Variants in ABCA3 observed in about 807,000 individuals in gnomAD.
ABCA3 encodes the protein ATP binding cassette subfamily A member 3.
A neutral mutation model predicts 172.8 loss-of-function variants in ABCA3; 88 were observed. The observed-to-expected ratio is 0.51, with a 90% CI of 0.43 to 0.61. The LOEUF (loss-of-function observed/expected upper bound fraction) is 0.61, where lower values mean the gene tolerates loss of function less well. Ranked by LOEUF, ABCA3 falls within the 20% of genes least tolerant of loss-of-function variation. ABCA3 has a pLI of 0.00. For synonymous variants in ABCA3, 1,066 were observed against 983.8 expected, an observed-to-expected ratio of 1.08 and a Z score of -1.56; for missense variants, 2,164 against 2,301.0, an observed-to-expected ratio of 0.94 and a Z score of 1.22.
chr16:2,280,929 C>G (rs1421090616), intron 28 of ABCA3, 98 bp downstream of exon 28: 6 of 1,493,374 alleles, frequency 4.0e-6, no homozygotes, highest in Non-Finnish European at 5.6e-6. Flanking sequence ...ACAGATGCAG[C>G]AGCTGTTTGG....
chr16:2,279,220 A>C lies in ABCA3; in HGVS notation c.4360-90T>G. On this transcript the variant is annotated intron_variant, in intron 28 of 32. Transcript: ENST00000301732. The surrounding 1 kb of genome is among the most constrained non-coding windows in gnomAD (Gnocchi z 4.4). ...CACGGGGACTACCCTTGAGGTGCCC[A>C]CCACTGCGCCTGTCTGTGGTTCCTG... 6.9e-7 allele frequency: 1 copy of C among 1,454,352 alleles called. No individual in the cohort carries two copies. 90.1% of individuals were successfully genotyped at this position (1,454,352 alleles called of 1,614,324 possible). A position where few individuals can be genotyped will look rare whatever the true frequency, so the allele number is the denominator to read the frequency against.
At chr16:2,324,901 G>C (rs1347356141) in intron 5 of ABCA3, among the ~76,000 whole-genome samples, 5 of 152,164 alleles carry the variant, frequency 3.3e-5, no homozygotes, top group African/African-American at 1.2e-4. Flanking sequence ...TTTACAAATG[G>C]AGTGGATGCT....
At position 2,297,466 on chromosome 16, in the gene ABCA3, C is replaced by A; in HGVS notation, c.2126G>T (p.Arg709Leu). The A allele has an allele frequency of 1.2e-6, 2 of 1,613,786 alleles. No homozygotes were observed. Among genetic ancestry groups the A allele is most frequent in the Non-Finnish European group, 1.7e-6 (2 of 1,180,030 alleles). The change falls in exon 17 of 33, where the codon CGG becomes CTG. Residue 709 changes from arginine (R) to leucine (L), a missense_variant. Transcript: ENST00000301732. The surrounding 1 kb of genome is among the most constrained non-coding windows in gnomAD (Gnocchi z 5.6). ...CACGATGGTGCGGTCACTTTTCTGC[C>A]GCTGAAGAAGATCCCAGATGGCCCT... ...SRRAIWDLLQRQKSDRTIVLT... is the reference protein window; with the variant it reads ...SRRAIWDLLQLQKSDRTIVLT...
intron 10 of ABCA3, among the ~76,000 whole-genome samples, chr16:2,316,496 A>C (rs2093716071): frequency 1.3e-5 from 1 of 77,112 alleles, no homozygotes; most frequent in Non-Finnish European, 2.5e-5. Flanking sequence ...AATGCAAAAA[A>C]AAAAAAAAAA....
At chr16:2,301,943 T>C (rs977619901) in intron 12 of ABCA3, among the ~76,000 whole-genome samples, 3 of 152,168 alleles carry the variant, frequency 2.0e-5, no homozygotes, top group East Asian at 1.9e-4. Context: ...AGCTGGAAGG[T>C]TGTGGGCAAG....
Position 2,279,695 on chromosome 16 carries a change from ATTTC to A in ABCA3, c.4360-569_4360-566del, listed in dbSNP as rs1477432061. Among the ~76,000 whole-genome samples the A allele has an allele frequency of 6.6e-6, 1 of 150,378 alleles. No individual in the cohort carries two copies. The highest frequency in any genetic ancestry group is 2.5e-5 in the African/African-American group (1 of 40,804). On this transcript the variant is annotated intron_variant, in intron 28 of 32. Transcript: ENST00000301732. This position sits in a 1 kb window ranked among gnomAD's most constrained non-coding sequence, Gnocchi z 4.4. The stretch of plus-strand genomic sequence containing the variant: ...GGGTTCTGTGGATTCCAGAGACTGG[ATTTC>A]TTTTTCTTTACCTTCCTTCTTTGGG...
intron 10 of ABCA3, among the ~76,000 whole-genome samples, chr16:2,312,059 A>AT (rs1168812458): frequency 6.6e-6 from 1 of 152,198 alleles, no homozygotes; most frequent in Non-Finnish European, 1.5e-5. Context: ...ACACTGGCAT[A>AT]TTTTATCATA....
At position 2,277,157 on chromosome 16, in the gene ABCA3, A is replaced by G. The variant is rs2093647809; in HGVS notation, c.4984-352T>C. ...GTAGCCCAGGCTGGAGTGCAGTGGC[A>G]CAATCATAGCTCACTGCAGTCTCGA... On this transcript the variant is annotated intron_variant, in intron 32 of 32. Transcript: ENST00000301732. The surrounding 1 kb of genome is among the most constrained non-coding windows in gnomAD (Gnocchi z 5.3). 6.6e-6 allele frequency among the ~76,000 whole-genome samples: 1 copy of G among 152,104 alleles called. No homozygotes were observed. The highest frequency in any genetic ancestry group is 1.5e-5 in the Non-Finnish European group (1 of 68,008).
At chr16:2,329,608 C>T (rs1020067803) in intron 2 of ABCA3, 40 bp downstream of exon 2, 4 of 152,502 alleles carry the variant, frequency 2.6e-5, no homozygotes, top group Admixed American at 6.5e-5. Flanking sequence ...AGACCACCCC[C>T]CTTCCCACAC....
Position 2,277,275 on chromosome 16 carries a change from T to A in ABCA3, c.4983+322A>T, listed in dbSNP as rs45561734. On this transcript the variant is annotated intron_variant, in intron 32 of 32. Coordinates refer to ENST00000301732, the MANE Select transcript of ABCA3 (RefSeq NM_001089.3). This position sits in a 1 kb window ranked among gnomAD's most constrained non-coding sequence, Gnocchi z 5.3. ...ACCTGGCTAATTTTTAAATTTTTTGTAGAGACGGGGTCTATGTTGCCCAGG... is the reference window on the plus strand; with the variant it reads ...ACCTGGCTAATTTTTAAATTTTTTGAAGAGACGGGGTCTATGTTGCCCAGG... 4.0e-3 allele frequency among the ~76,000 whole-genome samples: 613 copies of A among 152,146 alleles called. 1 individual carries two copies. The highest frequency in any genetic ancestry group is 0.014 in the African/African-American group (585 of 41,500).
In ABCA3 at chr16:2,326,523, G is replaced by A. The variant is rs1022845677; in HGVS notation, c.-26-31C>T. On this transcript the variant is annotated intron_variant, in intron 3 of 32. Coordinates refer to ENST00000301732, the MANE Select transcript of ABCA3 (RefSeq NM_001089.3). Reference sequence around the variant, plus strand: ...TACAGACCAAAGACAGAGAGTGTGGGTGCGCAATAGAAACACGCAGAGTGG... The same window carrying A: ...TACAGACCAAAGACAGAGAGTGTGGATGCGCAATAGAAACACGCAGAGTGG... 3.8e-6 allele frequency: 6 copies of A among 1,573,434 alleles called. No individual in the cohort carries two copies. In the African/African-American group the frequency reaches 4.1e-5, roughly 11 times the overall value.
chr16:2,284,588 G>A lies in ABCA3; in HGVS notation c.3704-151C>T. On this transcript the variant is annotated intron_variant, in intron 24 of 32. Coordinates refer to ENST00000301732, the MANE Select transcript of ABCA3 (RefSeq NM_001089.3). This position sits in a 1 kb window ranked among gnomAD's most constrained non-coding sequence, Gnocchi z 5.9. ...GACGCCCCTGCCGGCTCTGCACAGG[G>A]CAAGGACGCCGCAGACGCCTGCCCA... 2 of 1,340,248 alleles carry A rather than the reference G, an allele frequency of 1.5e-6. No homozygotes were observed. The highest frequency in any genetic ancestry group is 1.0e-6 in the Non-Finnish European group (1 of 953,074). 83.0% of individuals were successfully genotyped at this position (1,340,248 alleles called of 1,614,324 possible). A position where few individuals can be genotyped will look rare whatever the true frequency, so the allele number is the denominator to read the frequency against.
chr16:2,296,892 C>A (rs1006179973), intron 17 of ABCA3, among the ~76,000 whole-genome samples: 2 of 152,184 alleles, frequency 1.3e-5, no homozygotes, highest in Non-Finnish European at 2.9e-5. Context: ...ACACCCAGAT[C>A]GTGCTGGACC....
chr16:2,304,188 A>C (rs2093693961), intron 11 of ABCA3, 38 bp from the exon 12 acceptor site: 19 of 1,613,194 alleles, frequency 1.2e-5, no homozygotes, highest in Non-Finnish European at 1.6e-5. Flanking sequence ...GAAAGCCAGC[A>C]GGCTGGGGGG....
intron 32 of ABCA3, 106 bp from the exon 33 acceptor site, chr16:2,276,911 T>G: frequency 2.0e-6 from 3 of 1,489,002 alleles, no homozygotes; most frequent in Non-Finnish European, 2.8e-6. Context: ...CCCACAATCC[T>G]ACCCCTGCCC....
intron 10 of ABCA3, 108 bp from the exon 11 acceptor site, chr16:2,308,731 C>T: frequency 2.3e-5 from 30 of 1,302,586 alleles, no homozygotes; most frequent in Non-Finnish European, 3.1e-5. Context: ...AGCCACCCAA[C>T]CTGCTCCTGG....
intron 12 of ABCA3, among the ~76,000 whole-genome samples, chr16:2,301,976 G>T (rs1304027142): frequency 6.6e-6 from 1 of 152,236 alleles, no homozygotes; most frequent in Non-Finnish European, 1.5e-5. Context: ...CGCCCAGGGC[G>T]GAAAACCGCT....
intron 3 of ABCA3, among the ~76,000 whole-genome samples, chr16:2,326,903 G>A (rs771912391): frequency 5.3e-5 from 8 of 152,102 alleles, no homozygotes; most frequent in Non-Finnish European, 1.0e-4. Context: ...CAGGAGAATC[G>A]CTTGAACCCG....
At chr16:2,301,424 C>A (rs1268921062) in intron 12 of ABCA3, among the ~76,000 whole-genome samples, 2 of 151,814 alleles carry the variant, frequency 1.3e-5, no homozygotes, top group African/African-American at 2.4e-5. Context: ...GAAATGGCCT[C>A]GGCTGGAGGT....
Sources: gnomAD v4.1 joint callset for allele counts (sites outside exome capture counted in the v4.1 genomes callset) on GRCh38, gnomAD v4.1.1 for gene constraint, Gnocchi (gnomAD v3.1) non-coding constraint, MANE v1.5 for transcripts, NCBI Gene and HGNC (gene_info 2026-07-23, HGNC 2026-07-21) for gene names.